Variants in SRFBP1 observed in about 807,000 individuals in gnomAD.
The protein encoded by SRFBP1 is serum response factor binding protein 1, also known as serum response factor-binding protein 1.
SRFBP1 carries 47 observed loss-of-function variants against 45.5 expected under a neutral mutation model. That is an observed-to-expected ratio of 1.03 (90% CI 0.82 to 1.32). SRFBP1 has a LOEUF of 1.32. Among genes scored for constraint, SRFBP1 ranks in the 40% most tolerant of loss-of-function variants. The pLI, the probability that SRFBP1 is intolerant of heterozygous loss-of-function variation, is 0.00. For missense variants in SRFBP1, 621 were observed against 484.6 expected (o/e 1.28, Z -2.64); for synonymous variants, 203 against 166.3 (o/e 1.22, Z -1.70).
At chr5:121,971,026 A>G (rs570028813) in intron 1 of SRFBP1, among the ~76,000 whole-genome samples, 1 of 152,078 alleles carries the variant, frequency 6.6e-6, no homozygotes, top group Admixed American at 6.5e-5. Flanking sequence ...AAAAAAGAAC[A>G]TTCTGACCAG....
intron 6 of SRFBP1, among the ~76,000 whole-genome samples, 167 bp from the exon 7 acceptor site, chr5:122,022,203 G>A (rs1375113112): frequency 1.3e-5 from 2 of 152,128 alleles, no homozygotes; most frequent in Non-Finnish European, 2.9e-5. Context: ...ACCTTTGTTT[G>A]ATACAGCTAC....
In SRFBP1 at chr5:121,999,028, ATCT is replaced by A. The variant is rs763334212; in HGVS notation, c.270+4363_270+4365del. Reference sequence around the variant, plus strand: ...TTTTGCTCCATTCTACATTCTTTAGATCTTCTTGATTTGTGTTTTTTTCTGGTT... The same window carrying A: ...TTTTGCTCCATTCTACATTCTTTAGATCTTGATTTGTGTTTTTTTCTGGTT... On this transcript the variant is annotated intron_variant, in intron 4 of 7. Coordinates refer to ENST00000339397, the MANE Select transcript of SRFBP1 (RefSeq NM_152546.3). Among the ~76,000 whole-genome samples, 10 of 152,014 alleles carry A rather than the reference ATCT, an allele frequency of 6.6e-5. No homozygotes were observed. In the East Asian group the frequency reaches 1.5e-3, roughly 23 times the overall value.
At position 122,027,217 on chromosome 5, in the gene SRFBP1, A is replaced by T; in HGVS notation, c.*91A>T. On this transcript the variant is annotated 3_prime_UTR_variant, in exon 8 of 8. Coordinates refer to ENST00000339397, the MANE Select transcript of SRFBP1 (RefSeq NM_152546.3). ...ATTCTGTTGCCCAGACTAGAGTACA[A>T]TATTGCAATCACAGCTCACTGCAGC... 9.5e-7 allele frequency: 1 copy of T among 1,050,836 alleles called. No individual in the cohort carries two copies. 65.1% of individuals were successfully genotyped at this position (1,050,836 alleles called of 1,614,324 possible). A position where few individuals can be genotyped will look rare whatever the true frequency, so the allele number is the denominator to read the frequency against.
intron 4 of SRFBP1, among the ~76,000 whole-genome samples, chr5:122,012,978 C>G (rs1753124350): frequency 6.6e-6 from 1 of 152,040 alleles, no homozygotes; most frequent in Non-Finnish European, 1.5e-5. Context: ...TGCCTTCTCC[C>G]TAGCTTTGTG....
intron 3 of SRFBP1, among the ~76,000 whole-genome samples, chr5:121,992,480 G>C (rs953421191): frequency 4.6e-5 from 7 of 151,584 alleles, no homozygotes; most frequent in African/African-American, 1.7e-4. Flanking sequence ...ATTACATTTG[G>C]CTTACCTGGA....
At chr5:122,057,463 G>C (rs1474289478) in intron 2 of SRFBP1, among the ~76,000 whole-genome samples, 920 of 3,866 alleles carry the variant, frequency 0.24, 7 homozygotes, top group Admixed American at 0.3. Flanking sequence ...TCAGTTCTGT[G>C]TGTGTGTGTG....
At chr5:121,981,699 T>C (rs190251705) in intron 3 of SRFBP1, among the ~76,000 whole-genome samples, 40 of 152,054 alleles carry the variant, frequency 2.6e-4, no homozygotes, top group African/African-American at 7.9e-4. Flanking sequence ...CTAATTCTTA[T>C]GTTACTTGCT....
chr5:122,039,047 A>C (rs891995650), intron 2 of SRFBP1, among the ~76,000 whole-genome samples: 1 of 152,192 alleles, frequency 6.6e-6, no homozygotes, highest in Non-Finnish European at 1.5e-5. Context: ...AGATAGCAAA[A>C]TTAAAATCAA....
At position 121,974,268 on chromosome 5, in the gene SRFBP1, C is replaced by G; in HGVS notation, c.109C>G (p.Arg37Gly). 1.2e-6 allele frequency: 2 copies of G among 1,609,858 alleles called. No individual in the cohort carries two copies. Among genetic ancestry groups the G allele is most frequent in the Non-Finnish European group, 1.7e-6 (2 of 1,177,196 alleles). ...VIRKLVRSVG[R>G]LKSKKGTEDA... The stretch of plus-strand genomic sequence containing the variant: ...CCGAAAACTTGTCAGGAGTGTTGGC[C>G]GACTGAAGTCAAAAAAGTTAGTCAT... The change falls in exon 2 of 8, where the codon CGA (arginine) becomes GGA (glycine). Residue 37 changes from arginine (R) to glycine (G), a missense_variant. Arg to Gly is a moderately radical substitution (Grantham distance 125). Coordinates refer to ENST00000339397, the MANE Select transcript of SRFBP1 (RefSeq NM_152546.3).
At chr5:122,044,835 T>C (rs1177817767) in intron 2 of SRFBP1, among the ~76,000 whole-genome samples, 3 of 152,206 alleles carry the variant, frequency 2.0e-5, no homozygotes, top group Non-Finnish European at 2.9e-5. Context: ...GATAGTTTCT[T>C]TTGCTGTGCA....
intron 2 of SRFBP1, among the ~76,000 whole-genome samples, chr5:122,034,452 C>G (rs1446908100): frequency 6.6e-6 from 1 of 151,906 alleles, no homozygotes; most frequent in Non-Finnish European, 1.5e-5. Context: ...GCGCCCCCCC[C>G]ATTTTTTATT....
intron 7 of SRFBP1, among the ~76,000 whole-genome samples, chr5:122,025,958 C>T (rs921117486): frequency 3.3e-5 from 5 of 152,094 alleles, no homozygotes; most frequent in African/African-American, 9.7e-5. Flanking sequence ...GGCATAGTGG[C>T]ACATGCCTGT....
chr5:122,025,067 C>T (rs967366038), intron 7 of SRFBP1, among the ~76,000 whole-genome samples: 2 of 152,040 alleles, frequency 1.3e-5, no homozygotes, highest in Non-Finnish European at 2.9e-5. Flanking sequence ...CCCATTAACT[C>T]GTCATTTACC....
chr5:121,985,332 TG>T (rs1752489278), intron 3 of SRFBP1, among the ~76,000 whole-genome samples: 1 of 151,732 alleles, frequency 6.6e-6, no homozygotes, highest in Non-Finnish European at 1.5e-5. Flanking sequence ...TGTTGGGTTT[TG>T]TTTTTTTTTT....
chr5:122,037,141 G>A (rs1037686109), intron 2 of SRFBP1, among the ~76,000 whole-genome samples: 1 of 152,050 alleles, frequency 6.6e-6, no homozygotes, highest in Admixed American at 6.6e-5. Context: ...CAGGTGATCC[G>A]CCCGCCTTGG....
intron 2 of SRFBP1, among the ~76,000 whole-genome samples, chr5:122,074,585 T>C (rs1179400749): frequency 1.3e-5 from 2 of 152,192 alleles, no homozygotes; most frequent in Non-Finnish European, 2.9e-5. Context: ...TTTTAAAAAA[T>C]TGAGTTCTCA....
At position 122,035,373 on chromosome 5, in the gene SRFBP1, A is replaced by G. The variant is rs553305797; in HGVS notation, n.311+12966A>G. ...TTATGTCAGCAGCTCTCAGGGCTTC[A>G]TAGTCTCAAGTTAGCCCACATTCAG... On this transcript the variant is annotated intron_variant and non_coding_transcript_variant, in intron 2 of 2. Coordinates refer to the SRFBP1 transcript ENST00000504881. Among the ~76,000 whole-genome samples, 20 of 152,276 alleles carry G rather than the reference A, an allele frequency of 1.3e-4. No homozygotes were observed. The South Asian group carries it at 3.9e-3, about 30-fold the overall frequency.
At chr5:121,970,233 C>A (rs947459346) in intron 1 of SRFBP1, among the ~76,000 whole-genome samples, 1 of 152,032 alleles carries the variant, frequency 6.6e-6, no homozygotes, top group Non-Finnish European at 1.5e-5. Flanking sequence ...TTTTAGAATT[C>A]CCTTATCCAT....
chr5:122,070,651 AT>A, intron 2 of SRFBP1: 5 of 837,870 alleles, frequency 6.0e-6, no homozygotes, highest in African/African-American at 1.7e-5. Flanking sequence ...GATAAATAAT[AT>A]GCTATTATTT....
Sources: allele counts gnomAD v4.1 joint callset (sites outside exome capture counted in the v4.1 genomes callset), GRCh38; gene constraint gnomAD v4.1.1; transcripts MANE v1.5; gene names NCBI Gene and HGNC (gene_info 2026-07-23, HGNC 2026-07-21).